The following TRIO variants were observed in gnomAD, a reference collection of about 807,000 sequenced individuals.
TRIO encodes the protein triple functional domain protein.
In TRIO, 58 loss-of-function variants were observed where a neutral mutation model predicts 351.9. That is an observed-to-expected ratio of 0.16 (90% CI 0.13 to 0.21). The LOEUF (loss-of-function observed/expected upper bound fraction) is 0.21. Among genes scored for constraint, TRIO ranks in the 10% least tolerant of loss-of-function variants. The pLI is 1.00. For synonymous variants in TRIO, 1,758 were observed against 1,595.7 expected (o/e 1.10, Z -2.42); for missense variants, 3,201 against 4,027.8 (o/e 0.79, Z 5.56).
intron 48 of TRIO, 131 bp downstream of exon 48, chr5:14,488,391 G>A (rs1756205047): frequency 2.9e-6 from 4 of 1,379,234 alleles, no homozygotes; most frequent in Non-Finnish European, 2.9e-6. Context: ...CCTCTACCTG[G>A]GACCAGGCTA....
intron 8 of TRIO, among the ~76,000 whole-genome samples, chr5:14,307,189 A>C (rs1738447140): frequency 6.6e-6 from 1 of 152,176 alleles, no homozygotes; most frequent in Non-Finnish European, 1.5e-5. Flanking sequence ...GTAGAATTTC[A>C]CTACGTTGCT....
chr5:14,192,521 G>A (rs971980875), intron 1 of TRIO, among the ~76,000 whole-genome samples: 2 of 152,046 alleles, frequency 1.3e-5, no homozygotes, highest in African/African-American at 4.8e-5. Flanking sequence ...TGATCCTCCC[G>A]CTTCGGCCTC....
At chr5:14,358,466 A>C (rs1665839226) in intron 12 of TRIO, 119 bp downstream of exon 12, 1 of 1,167,778 alleles carries the variant, frequency 8.6e-7, no homozygotes, top group South Asian at 1.7e-5. Flanking sequence ...GTGCAGAGCT[A>C]GTAGTGTCTG....
chr5:14,153,343 A>G (rs569289365), intron 1 of TRIO, among the ~76,000 whole-genome samples: 2 of 152,242 alleles, frequency 1.3e-5, no homozygotes, highest in South Asian at 2.1e-4. Flanking sequence ...ATTGTGCTCC[A>G]TAGGAAAGTA....
intron 2 of TRIO, among the ~76,000 whole-genome samples, chr5:14,274,514 T>C (rs1393335573): frequency 6.6e-6 from 1 of 152,156 alleles, no homozygotes; most frequent in Non-Finnish European, 1.5e-5. Flanking sequence ...AGATCTAGTA[T>C]TTAAGAGTTG....
At chr5:14,298,546 A>T (rs1453306013) in intron 7 of TRIO, among the ~76,000 whole-genome samples, 1 of 152,212 alleles carries the variant, frequency 6.6e-6, no homozygotes, top group Non-Finnish European at 1.5e-5. Context: ...TCTTTCATCT[A>T]GAAACAGTCT....
chr5:14,369,345 T>G (rs761045820), intron 17 of TRIO, 29 bp from the exon 18 acceptor site: 1 of 1,580,498 alleles, frequency 6.3e-7, no homozygotes. Context: ...AGATGCCAAG[T>G]CTGAGCCTCA....
At chr5:14,392,591 G>A (rs551880165) in intron 27 of TRIO, among the ~76,000 whole-genome samples, 179 of 152,304 alleles carry the variant, frequency 1.2e-3, no homozygotes, top group African/African-American at 4.1e-3. Context: ...TACACCCAAA[G>A]GATTATAAAT....
chr5:14,335,269 C>G (rs927696613), intron 10 of TRIO, among the ~76,000 whole-genome samples: 1 of 152,174 alleles, frequency 6.6e-6, no homozygotes, highest in African/African-American at 2.4e-5. Flanking sequence ...GAGGCCACCC[C>G]TCCCCACATG....
In TRIO at chr5:14,507,215, T is replaced by C; in HGVS notation, c.8706T>C (p.Ala2902=). The change falls in exon 56 of 57, where the codon GCT becomes GCC. Residue 2902 remains alanine (A), a synonymous_variant. Coordinates refer to ENST00000344204, the MANE Select transcript of TRIO (RefSeq NM_007118.4). ...CGCACCTGGGGGAGGTTCTGGAAGC[T>C]GTCCGGTACCTGCACAACTGCAGGA... ...IRAHLGEVLE[A]VRYLHNCRIA... The C allele has an allele frequency of 6.2e-7, 1 of 1,611,846 alleles. No individual in the cohort carries two copies. Among genetic ancestry groups the C allele is most frequent in the Non-Finnish European group, 8.5e-7 (1 of 1,179,846 alleles).
In TRIO at chr5:14,411,429, G is replaced by A. The variant is rs116301533; in HGVS notation, c.4959+4757G>A. On this transcript the variant is annotated intron_variant, in intron 33 of 56. Transcript: ENST00000344204. ...AGATGAGGTATCCTGTGGAAAAGCC[G>A]GCCCGAGCCAGCAGGGCCCAGGTGT... 8.3e-3 allele frequency among the ~76,000 whole-genome samples: 1,266 copies of A among 152,292 alleles called. 13 individuals carry two copies. Among genetic ancestry groups the A allele is most frequent in the African/African-American group, 0.029 (1,205 of 41,552 alleles).
intron 30 of TRIO, among the ~76,000 whole-genome samples, chr5:14,400,309 C>T (rs1391454367): frequency 1.3e-5 from 2 of 152,134 alleles, no homozygotes; most frequent in African/African-American, 2.4e-5. Flanking sequence ...TTAAGATTCC[C>T]TCAGAGGCTA....
intron 2 of TRIO, among the ~76,000 whole-genome samples, chr5:14,272,337 G>A (rs115431305): frequency 3.3e-5 from 5 of 152,152 alleles, no homozygotes; most frequent in African/African-American, 1.2e-4. Context: ...GTTTCTGAAC[G>A]TTTTGTTCCA....
chr5:14,287,172 T>A, intron 4 of TRIO, 109 bp downstream of exon 4: 1 of 1,058,106 alleles, frequency 9.5e-7, no homozygotes, highest in Non-Finnish European at 1.4e-6. Flanking sequence ...AAACAGGAGC[T>A]GCATATCTTA....
chr5:14,246,859 C>T (rs1341739170), intron 1 of TRIO, among the ~76,000 whole-genome samples: 4 of 152,358 alleles, frequency 2.6e-5, no homozygotes, highest in Admixed American at 2.6e-4. Flanking sequence ...TGGAATGTTC[C>T]TTGGCATGGT....
intron 1 of TRIO, among the ~76,000 whole-genome samples, chr5:14,260,647 TTCTGATGTTTGTTTGTGGCA>T (rs1257537460): frequency 2.6e-5 from 4 of 152,238 alleles, no homozygotes; most frequent in African/African-American, 9.6e-5. Context: ...CAGTTAAAAA[TTCTGATGTTTGTTTGTGGCA>T]TTTACTTTAT....
intron 8 of TRIO, among the ~76,000 whole-genome samples, chr5:14,315,530 C>T (rs568474996): frequency 1.9e-3 from 288 of 151,220 alleles, no homozygotes; most frequent in African/African-American, 6.7e-3. Context: ...GGATTACAGG[C>T]GAGAGACACC....
At chr5:14,505,624 C>G (rs1240423269) in intron 55 of TRIO, among the ~76,000 whole-genome samples, 1 of 152,034 alleles carries the variant, frequency 6.6e-6, no homozygotes, top group Admixed American at 6.6e-5. Context: ...TCATTTTTTT[C>G]TTAAAGAAAC....
chr5:14,359,227 T>TC, intron 12 of TRIO, 130 bp from the exon 13 acceptor site: 1 of 1,116,650 alleles, frequency 9.0e-7, no homozygotes, highest in African/African-American at 1.6e-5. Context: ...AGCAGCCCGT[T>TC]CCATTTTCTG....
Sources: gnomAD v4.1 joint callset for allele counts (sites outside exome capture counted in the v4.1 genomes callset) on GRCh38, gnomAD v4.1.1 for gene constraint, MANE v1.5 for transcripts, NCBI Gene and HGNC (gene_info 2026-07-23, HGNC 2026-07-21) for gene names.